Variants in DGLUCY observed in about 807,000 individuals in gnomAD.
DGLUCY encodes the protein D-glutamate cyclase, mitochondrial.
Under a neutral mutation model 58.5 loss-of-function variants are expected in DGLUCY, and 58 were observed. The observed-to-expected ratio is 0.99, with a 90% confidence interval of 0.80 to 1.23. The LOEUF is 1.23. Among genes scored for constraint, DGLUCY ranks in the 50% most tolerant of loss-of-function variants. DGLUCY has a pLI of 0.00. For missense variants in DGLUCY, 779 were observed against 784.7 expected (o/e 0.99, Z 0.09); for synonymous variants, 325 against 314.1 (o/e 1.03, Z -0.37).
chr14:91,118,448 G>C (rs554562027), intron 1 of DGLUCY, among the ~76,000 whole-genome samples: 61 of 145,974 alleles, frequency 4.2e-4, no homozygotes, highest in South Asian at 2.7e-3. Flanking sequence ...ACTTGGAAGG[G>C]GAAAGAGCTA....
chr14:91,193,190 C>T (rs893161004), intron 9 of DGLUCY, among the ~76,000 whole-genome samples: 3 of 152,142 alleles, frequency 2.0e-5, no homozygotes, highest in Admixed American at 6.5e-5. Context: ...GGCAAGGGGC[C>T]GTGTTTCCGT....
At chr14:91,224,221 A>T (rs1887902412) in intron 13 of DGLUCY, among the ~76,000 whole-genome samples, 1 of 152,178 alleles carries the variant, frequency 6.6e-6, no homozygotes, top group South Asian at 2.1e-4. Flanking sequence ...GTGAATCTTC[A>T]GTGTTGGTTA....
intron 1 of DGLUCY, among the ~76,000 whole-genome samples, chr14:91,116,198 T>C (rs1475955558): frequency 6.6e-6 from 1 of 152,222 alleles, no homozygotes; most frequent in African/African-American, 2.4e-5. Flanking sequence ...TTTATTTTCT[T>C]ATTTTGGGTT....
intron 1 of DGLUCY, among the ~76,000 whole-genome samples, chr14:91,087,318 C>G (rs764688773): frequency 1.3e-5 from 2 of 152,184 alleles, no homozygotes; most frequent in South Asian, 2.1e-4. Flanking sequence ...CAGAACCCCC[C>G]CTGTCTGATG....
At chr14:91,119,510 C>G (rs2140133436) in intron 1 of DGLUCY, among the ~76,000 whole-genome samples, 2 of 152,322 alleles carry the variant, frequency 1.3e-5, no homozygotes, top group South Asian at 4.1e-4. Flanking sequence ...TCCCACCCTA[C>G]TTTGCTAGAC....
Position 91,173,395 on chromosome 14 carries a change from C to G in DGLUCY, c.563C>G (p.Ser188Cys). The change falls in exon 6 of 14, where the codon TCC becomes TGC. Residue 188 changes from serine (S) to cysteine (C), a missense_variant. Transcript: ENST00000256324. ...GAAGGGCTGGTGCGGGCCTGCTGCT[C>G]CCTCGGAGGTGAGCAGGGGCAACCT... ...KLEGLVRACC[S>C]LGGEQGQPVH... is the part of the protein sequence containing the mutation. 6.2e-7 allele frequency: 1 copy of G among 1,611,434 alleles called. No individual in the cohort carries two copies. Among genetic ancestry groups the G allele is most frequent in the Non-Finnish European group, 8.5e-7 (1 of 1,179,324 alleles).
chr14:91,151,452 A>G (rs1161535169), intron 1 of DGLUCY, among the ~76,000 whole-genome samples: 1 of 152,018 alleles, frequency 6.6e-6, no homozygotes, highest in Non-Finnish European at 1.5e-5. Context: ...CATGCTAGCC[A>G]GGATGGTCTC....
intron 10 of DGLUCY, among the ~76,000 whole-genome samples, chr14:91,199,296 G>C (rs964739499): frequency 6.7e-6 from 1 of 149,576 alleles, no homozygotes; most frequent in Non-Finnish European, 1.5e-5. Context: ...GTCTTACTCT[G>C]TCGCCCAGGC....
rs114141780 is a variant in DGLUCY, at chr14:91,196,396, C to T, written c.1217C>T (p.Pro406Leu). 1.5e-5 allele frequency: 24 copies of T among 1,614,014 alleles called. No individual in the cohort carries two copies. Among genetic ancestry groups the T allele is most frequent in the African/African-American group, 4.0e-5 (3 of 74,984 alleles). The stretch of plus-strand genomic sequence containing the variant: ...CAAGGTGTTCTGAAGACGCAGATCC[C>T]GATATTAACTTACCAAGGTGGATCA... Reference protein sequence around the residue: ...VEQGVLKTQIPILTYQGGSVE... With the variant: ...VEQGVLKTQILILTYQGGSVE... The change falls in exon 10 of 14, where the codon CCG becomes CTG. Residue 406 changes from proline (P) to leucine (L), a missense_variant. Transcript: ENST00000256324.
chr14:91,176,646 C>G (rs2048871321), intron 7 of DGLUCY, among the ~76,000 whole-genome samples: 2 of 152,254 alleles, frequency 1.3e-5, no homozygotes, highest in Non-Finnish European at 2.9e-5. Flanking sequence ...GTCGCCCAGG[C>G]TGGAGTGCAG....
chr14:91,140,025 T>G (rs1264768099), intron 1 of DGLUCY, among the ~76,000 whole-genome samples: 1 of 152,104 alleles, frequency 6.6e-6, no homozygotes, highest in East Asian at 1.9e-4. Context: ...GAACATAGAG[T>G]AACTACCTGC....
At chr14:91,201,127 T>C (rs1415663344) in intron 11 of DGLUCY, among the ~76,000 whole-genome samples, 1 of 152,114 alleles carries the variant, frequency 6.6e-6, no homozygotes, top group African/African-American at 2.4e-5. Context: ...CAAAGTCAAT[T>C]GATCAGTTAG....
intron 1 of DGLUCY, among the ~76,000 whole-genome samples, chr14:91,100,507 C>T (rs2044467284): frequency 6.6e-6 from 1 of 152,156 alleles, no homozygotes; most frequent in Admixed American, 6.5e-5. Flanking sequence ...CTCTGATTTC[C>T]AAAACAACTT....
At chr14:91,134,675 T>C (rs574109272) in intron 1 of DGLUCY, among the ~76,000 whole-genome samples, 1 of 152,254 alleles carries the variant, frequency 6.6e-6, no homozygotes, top group South Asian at 2.1e-4. Flanking sequence ...TGACCTCAGA[T>C]GATCCACCTG....
chr14:91,077,261 GAGAA>G (rs1178529211), intron 1 of DGLUCY, among the ~76,000 whole-genome samples: 2 of 150,390 alleles, frequency 1.3e-5, no homozygotes, highest in African/African-American at 4.9e-5. Flanking sequence ...TGGGGAGAGA[GAGAA>G]AGAGAGAGAG....
intron 13 of DGLUCY, chr14:91,215,791 T>C (rs1394172903): frequency 1.5e-6 from 2 of 1,351,112 alleles, no homozygotes; most frequent in African/African-American, 1.5e-5. Context: ...AGTTTGACTT[T>C]GGGTGAGTTG....
chr14:91,141,735 G>C (rs1165870540), intron 1 of DGLUCY, among the ~76,000 whole-genome samples: 4 of 151,890 alleles, frequency 2.6e-5, no homozygotes, highest in Non-Finnish European at 5.9e-5. Flanking sequence ...AATTTTAGTA[G>C]AGATGGGCTT....
chr14:91,102,461 C>G (rs2044503893), intron 1 of DGLUCY, among the ~76,000 whole-genome samples: 1 of 152,156 alleles, frequency 6.6e-6, no homozygotes, highest in Non-Finnish European at 1.5e-5. Context: ...TCTCATTGCT[C>G]ATACCTGCTG....
chr14:91,094,026 T>A lies in DGLUCY; in HGVS notation c.-82+33322T>A, dbSNP rs192628277. ...GGTGATGAAAAGTTCTGGAACTAGA[T>A]AATGCTGATAGTTGCCCAACACTAT... On this transcript the variant is annotated intron_variant, in intron 1 of 4. Transcript: ENST00000521334. Among the ~76,000 whole-genome samples the A allele has an allele frequency of 2.0e-5, 3 of 152,236 alleles. No individual in the cohort carries two copies. In the East Asian group the frequency reaches 5.8e-4, roughly 29 times the overall value.
Sources: allele counts gnomAD v4.1 joint callset (sites outside exome capture counted in the v4.1 genomes callset), GRCh38; gene constraint gnomAD v4.1.1; transcripts MANE v1.5; gene names NCBI Gene and HGNC (gene_info 2026-07-23, HGNC 2026-07-21).